The following PELI1 variants were observed in gnomAD, a reference collection of about 807,000 sequenced individuals.
The protein encoded by PELI1 is pellino E3 ubiquitin protein ligase 1.
A neutral mutation model predicts 41.3 loss-of-function variants in PELI1; 15 were observed. That is an observed-to-expected ratio of 0.36 (90% CI 0.24 to 0.56). The LOEUF (loss-of-function observed/expected upper bound fraction) is 0.56, where lower values mean the gene tolerates loss of function less well. PELI1 is among the 20% of genes least tolerant of loss of function. The pLI, the probability that PELI1 is intolerant of heterozygous loss-of-function variation, is 0.82. For synonymous variants in PELI1, 178 were observed against 180.1 expected (o/e 0.99, Z 0.09); for missense variants, 403 against 525.5 (o/e 0.77, Z 2.28).
chr2:64,122,256 C>T (rs1362021057), intron 1 of PELI1, among the ~76,000 whole-genome samples: 1 of 149,910 alleles, frequency 6.7e-6, no homozygotes. Flanking sequence ...CTTAAACTTC[C>T]GTATTTTCCT....
chr2:64,112,121 A>G (rs896046655), intron 1 of PELI1, among the ~76,000 whole-genome samples: 20 of 152,206 alleles, frequency 1.3e-4, no homozygotes, highest in Non-Finnish European at 2.9e-5. Context: ...TATTTAAAGG[A>G]GTCAATTTAA....
rs369151830 is a variant in PELI1 at position 64,103,426 on chromosome 2, G to A, written c.201+1275C>T. ...TTTTGTGGGTGAAGGACCTATAAAT[G>A]TCCTGTAGTATGTGGGAAAGTACTG... is the stretch of plus-strand genomic sequence containing the variant. On this transcript the variant is annotated intron_variant, in intron 3 of 6. Transcript: ENST00000358912. 3.5e-4 allele frequency among the ~76,000 whole-genome samples: 54 copies of A among 152,208 alleles called. 1 individual carries two copies. In the East Asian group the frequency reaches 9.3e-3, roughly 26 times the overall value.
At chr2:64,110,247 G>GAAAAAAAAAAAA (rs796716135) in intron 1 of PELI1, among the ~76,000 whole-genome samples, 2 of 100,798 alleles carry the variant, frequency 2.0e-5, no homozygotes, top group Non-Finnish European at 4.2e-5. Context: ...TCCGTCTCAA[G>GAAAAAAAAAAAA]AAAAAAAAAA....
rs781522549 is a variant in PELI1, at chr2:64,108,314, C to G, written c.-4G>C. 5.0e-6 allele frequency: 8 copies of G among 1,591,818 alleles called. No individual in the cohort carries two copies. In the Admixed American group the frequency reaches 1.3e-4, roughly 27 times the overall value. On this transcript the variant is annotated 5_prime_UTR_variant, in exon 2 of 7. Transcript: ENST00000358912. Reference sequence around the variant, plus strand: ...TTTCTTGATCAGGAGAAAACATGAGCTTGGCTGTCTTTCTCAAATCTTTGT... The same window carrying G: ...TTTCTTGATCAGGAGAAAACATGAGGTTGGCTGTCTTTCTCAAATCTTTGT...
intron 1 of PELI1, among the ~76,000 whole-genome samples, chr2:64,142,513 C>T (rs1396644620): frequency 6.6e-6 from 1 of 152,052 alleles, no homozygotes; most frequent in Non-Finnish European, 1.5e-5. Flanking sequence ...CAGTATGGTA[C>T]CGAAGAAATA....
rs1680141352 is a variant in PELI1 at position 64,094,089 on chromosome 2, C to A, written c.*613G>T. 1.3e-5 allele frequency: 2 copies of A among 152,588 alleles called. No homozygotes were observed. Among genetic ancestry groups the A allele is most frequent in the Non-Finnish European group, 2.9e-5 (2 of 68,036 alleles). The allele number at this position is 152,588 out of a possible 1,614,324, so 9.5% of individuals were successfully genotyped here. On this transcript the variant is annotated 3_prime_UTR_variant, in exon 7 of 7. Coordinates refer to ENST00000358912, the MANE Select transcript of PELI1 (RefSeq NM_020651.4). ...GGTAATTAGTATGAATTTGGTCTTA[C>A]AAATTACAAAGTATTCTAATTTACC...
At chr2:64,127,479 G>C (rs956443687) in intron 1 of PELI1, among the ~76,000 whole-genome samples, 4 of 152,162 alleles carry the variant, frequency 2.6e-5, no homozygotes, top group African/African-American at 9.7e-5. Flanking sequence ...AAACAATGTT[G>C]AGTGAGGTTT....
intron 1 of PELI1, among the ~76,000 whole-genome samples, chr2:64,128,253 CTGTGCTAGGAGACTAATATGAAA>C (rs1265136371): frequency 6.6e-6 from 1 of 152,042 alleles, no homozygotes; most frequent in Admixed American, 6.6e-5. Flanking sequence ...GGTTCAGATT[CTGTGCTAGGAGACTAATATGAAA>C]TGTTCCTATC....
intron 1 of PELI1, among the ~76,000 whole-genome samples, chr2:64,134,878 T>G (rs1681664758): frequency 6.6e-6 from 1 of 152,186 alleles, no homozygotes; most frequent in African/African-American, 2.4e-5. Flanking sequence ...AAAATTAAAC[T>G]GTGCCTTCTA....
chr2:64,126,584 AG>A (rs1391552621), intron 1 of PELI1, among the ~76,000 whole-genome samples: 2 of 152,234 alleles, frequency 1.3e-5, no homozygotes, highest in Non-Finnish European at 2.9e-5. Flanking sequence ...CTAATGCAAA[AG>A]GTATGCCTCC....
chr2:64,119,955 C>G (rs565709380), intron 1 of PELI1, among the ~76,000 whole-genome samples: 1 of 152,146 alleles, frequency 6.6e-6, no homozygotes, highest in Non-Finnish European at 1.5e-5. Flanking sequence ...CCCTTTAGCA[C>G]TATTAAGTGA....
intron 1 of PELI1, among the ~76,000 whole-genome samples, chr2:64,142,762 C>T (rs966329158): frequency 6.6e-6 from 1 of 152,146 alleles, no homozygotes; most frequent in African/African-American, 2.4e-5. Context: ...ATTTTAAATT[C>T]ACCCTATTAT....
chr2:64,124,155 G>T (rs1681311903), intron 1 of PELI1, among the ~76,000 whole-genome samples: 1 of 152,108 alleles, frequency 6.6e-6, no homozygotes, highest in South Asian at 2.1e-4. Flanking sequence ...GGAGAAAATA[G>T]GAAATTGGGG....
intron 1 of PELI1, among the ~76,000 whole-genome samples, chr2:64,134,108 G>A (rs2103740357): frequency 6.6e-6 from 1 of 152,224 alleles, no homozygotes; most frequent in Admixed American, 6.5e-5. Flanking sequence ...TGAATCATTA[G>A]CAGCCTACTC....
chr2:64,119,113 T>G (rs1021974609), intron 1 of PELI1, among the ~76,000 whole-genome samples: 2 of 152,184 alleles, frequency 1.3e-5, no homozygotes, highest in Non-Finnish European at 2.9e-5. Context: ...GCTTTAAGGC[T>G]GATGAGAGAT....
chr2:64,099,374 CAA>C (rs921590729), intron 4 of PELI1, among the ~76,000 whole-genome samples: 3 of 152,000 alleles, frequency 2.0e-5, no homozygotes, highest in Non-Finnish European at 4.4e-5. Context: ...GTCAGTGAAA[CAA>C]AATGTGAAAA....
At chr2:64,104,099 G>A (rs1227497945) in intron 3 of PELI1, among the ~76,000 whole-genome samples, 1 of 152,172 alleles carries the variant, frequency 6.6e-6, no homozygotes, top group Non-Finnish European at 1.5e-5. Flanking sequence ...AGGCTAGGGG[G>A]TTGAGAAGTT....
chr2:64,095,387 T>C, intron 6 of PELI1, 119 bp from the exon 7 acceptor site: 1 of 633,304 alleles, frequency 1.6e-6, no homozygotes, highest in South Asian at 2.1e-5. Flanking sequence ...TTTCACTAAA[T>C]ATTCAAGAAA....
chr2:64,106,323 AT>A (rs1482439947), intron 2 of PELI1: 1 of 152,198 alleles, frequency 6.6e-6, no homozygotes, highest in African/African-American at 2.4e-5. Context: ...AAGAAAAATT[AT>A]CTGCATTTTA....
Sources: allele counts gnomAD v4.1 joint callset (sites outside exome capture counted in the v4.1 genomes callset), GRCh38; gene constraint gnomAD v4.1.1; transcripts MANE v1.5; gene names NCBI Gene and HGNC (gene_info 2026-07-23, HGNC 2026-07-21).